The following SLC24A3 variants were observed in gnomAD, a reference collection of about 807,000 sequenced individuals.
The protein encoded by SLC24A3 is sodium/potassium/calcium exchanger 3.
SLC24A3 carries 28 observed loss-of-function variants against 75.8 expected under a neutral mutation model. That is an observed-to-expected ratio of 0.37 (90% CI 0.27 to 0.51). The LOEUF is 0.51. Ranked by LOEUF, SLC24A3 falls within the 20% of genes least tolerant of loss-of-function variation. The pLI is 0.94. For synonymous variants in SLC24A3, 372 were observed against 334.1 expected (o/e 1.11, Z -1.24); for missense variants, 663 against 847.8 (o/e 0.78, Z 2.71).
intron 7 of SLC24A3, among the ~76,000 whole-genome samples, chr20:19,661,814 C>T (rs980533729): frequency 3.9e-5 from 6 of 152,072 alleles, no homozygotes; most frequent in Admixed American, 3.3e-4. Context: ...ATACTAGGGG[C>T]TCCTGGCTCT....
intron 6 of SLC24A3, among the ~76,000 whole-genome samples, chr20:19,596,931 C>A (rs527315198): frequency 6.0e-4 from 91 of 152,312 alleles, no homozygotes; most frequent in African/African-American, 2.1e-3. Flanking sequence ...ATCTTAGGTC[C>A]AGCTAGAGTT....
chr20:19,394,476 T>A (rs922250361), intron 2 of SLC24A3, among the ~76,000 whole-genome samples: 3 of 152,068 alleles, frequency 2.0e-5, no homozygotes, highest in Non-Finnish European at 4.4e-5. Context: ...TAAGTTAATA[T>A]CCAGGATATA....
intron 2 of SLC24A3, among the ~76,000 whole-genome samples, chr20:19,402,116 T>C (rs1466024488): frequency 6.6e-6 from 1 of 152,084 alleles, no homozygotes; most frequent in African/African-American, 2.4e-5. Flanking sequence ...AAGGCAGAAA[T>C]CCCTTTTTAA....
intron 3 of SLC24A3, among the ~76,000 whole-genome samples, chr20:19,557,675 C>G (rs1218664285): frequency 1.3e-5 from 2 of 152,148 alleles, no homozygotes; most frequent in African/African-American, 2.4e-5. Context: ...TGCATTAAGA[C>G]AGAAAATACC....
At chr20:19,410,192 A>T (rs1394045694) in intron 2 of SLC24A3, among the ~76,000 whole-genome samples, 1 of 152,188 alleles carries the variant, frequency 6.6e-6, no homozygotes, top group Admixed American at 6.5e-5. Context: ...AGACTTTATC[A>T]AACTCCTCAT....
chr20:19,612,747 G>C (rs1020207307), intron 6 of SLC24A3, among the ~76,000 whole-genome samples: 1 of 152,106 alleles, frequency 6.6e-6, no homozygotes, highest in African/African-American at 2.4e-5. Flanking sequence ...GATGACTGCA[G>C]GAGGCCCCTC....
chr20:19,611,367 G>A (rs1236537494), intron 6 of SLC24A3, among the ~76,000 whole-genome samples: 10 of 140,146 alleles, frequency 7.1e-5, no homozygotes, highest in East Asian at 4.1e-4. Context: ...GCTGTAACCC[G>A]TTGAGAGATT....
intron 6 of SLC24A3, among the ~76,000 whole-genome samples, chr20:19,614,628 A>G (rs1230559425): frequency 1.3e-5 from 2 of 152,232 alleles, no homozygotes. Flanking sequence ...GTGCCATTGC[A>G]CAGCAGGTTC....
intron 2 of SLC24A3, among the ~76,000 whole-genome samples, chr20:19,361,560 G>A (rs941886487): frequency 9.9e-5 from 15 of 152,170 alleles, no homozygotes; most frequent in African/African-American, 3.6e-4. Context: ...AGAGCTTTGG[G>A]TTACACAGGT....
chr20:19,566,547 A>G (rs2030961141), intron 3 of SLC24A3, among the ~76,000 whole-genome samples: 1 of 152,312 alleles, frequency 6.6e-6, no homozygotes, highest in Non-Finnish European at 1.5e-5. Context: ...AAGAACCTCA[A>G]TCATCTATGC....
intron 3 of SLC24A3, among the ~76,000 whole-genome samples, chr20:19,576,341 G>A (rs1181161950): frequency 6.6e-6 from 1 of 152,152 alleles, no homozygotes. Context: ...TAGGTTTTCT[G>A]CATCCTAAAA....
intron 2 of SLC24A3, among the ~76,000 whole-genome samples, chr20:19,323,072 A>G (rs1024434547): frequency 6.0e-5 from 9 of 150,762 alleles, no homozygotes; most frequent in African/African-American, 1.7e-4. Context: ...CGGGCGTGGT[A>G]GCGGGCGCCT....
chr20:19,259,755 A>G (rs919621769), intron 1 of SLC24A3, among the ~76,000 whole-genome samples: 1 of 152,238 alleles, frequency 6.6e-6, no homozygotes, highest in African/African-American at 2.4e-5. Flanking sequence ...ATACAGAAAC[A>G]TCAAAACAAT....
chr20:19,490,258 C>A (rs1261948305), intron 2 of SLC24A3, among the ~76,000 whole-genome samples: 1 of 152,170 alleles, frequency 6.6e-6, no homozygotes. Context: ...CAGCCCATGG[C>A]CCCTAGGGAA....
chr20:19,719,926 C>T (rs1301029156), intron 16 of SLC24A3, among the ~76,000 whole-genome samples: 2 of 152,052 alleles, frequency 1.3e-5, no homozygotes, highest in African/African-American at 2.4e-5. Context: ...TGGGTGAAGC[C>T]TAGAGAAGTG....
intron 9 of SLC24A3, among the ~76,000 whole-genome samples, chr20:19,678,923 G>A (rs1210144763): frequency 6.6e-6 from 1 of 150,432 alleles, no homozygotes; most frequent in Non-Finnish European, 1.5e-5. Context: ...GGGCAAAGGC[G>A]CTCCCCACAT....
At chr20:19,353,644 G>A (rs1985619886) in intron 2 of SLC24A3, among the ~76,000 whole-genome samples, 1 of 152,196 alleles carries the variant, frequency 6.6e-6, no homozygotes, top group African/African-American at 2.4e-5. Flanking sequence ...GAGGAAGACA[G>A]AGCAAGCACC....
intron 1 of SLC24A3, 153 bp downstream of exon 1, chr20:19,213,137 C>T (rs1568559159): frequency 3.6e-6 from 3 of 838,050 alleles, no homozygotes; most frequent in Non-Finnish European, 4.6e-6. Flanking sequence ...GGCACGAGGA[C>T]TCCCCCTGCC....
At chr20:19,689,031 A>G (rs543807117) in intron 12 of SLC24A3, among the ~76,000 whole-genome samples, 3 of 152,220 alleles carry the variant, frequency 2.0e-5, no homozygotes, top group Admixed American at 2.0e-4. Context: ...ATAAACGTGC[A>G]GCTATTGTTA....
Sources: gnomAD v4.1 joint callset for allele counts (sites outside exome capture counted in the v4.1 genomes callset) on GRCh38, gnomAD v4.1.1 for gene constraint, MANE v1.5 for transcripts, NCBI Gene and HGNC (gene_info 2026-07-23, HGNC 2026-07-21) for gene names.